Variants in KMT2C observed in about 807,000 individuals in gnomAD.
KMT2C encodes lysine methyltransferase 2C, also known as histone-lysine N-methyltransferase 2C.
KMT2C carries 88 observed loss-of-function variants against 507.9 expected under a neutral mutation model. The ratio of observed to expected loss-of-function variants is 0.17; its 90% CI spans 0.15 to 0.21. KMT2C has a LOEUF of 0.21. Among genes scored for constraint, KMT2C ranks in the 10% least tolerant of loss-of-function variants. The probability of loss-of-function intolerance (pLI) is 1.00; values close to 1 mark genes in which losing one functional copy is unlikely to be tolerated. For missense variants in KMT2C, 4,954 were observed against 5,957.8 expected (o/e 0.83, Z 5.55); for synonymous variants, 2,049 against 2,080.8 (o/e 0.98, Z 0.42).
chr7:152,241,734 C>A (rs1053689559), intron 14 of KMT2C, among the ~76,000 whole-genome samples: 2 of 152,334 alleles, frequency 1.3e-5, no homozygotes, highest in Non-Finnish European at 2.9e-5. Flanking sequence ...GGCTAACATA[C>A]ATCTTAAATT....
chr7:152,319,336 A>T (rs2096750413), intron 3 of KMT2C, among the ~76,000 whole-genome samples: 2 of 152,156 alleles, frequency 1.3e-5, no homozygotes, highest in Admixed American at 1.3e-4. Flanking sequence ...CTCACTCTAC[A>T]ATCATAACCT....
intron 1 of KMT2C, among the ~76,000 whole-genome samples, chr7:152,435,422 G>A (rs973721310): frequency 8.8e-5 from 13 of 148,460 alleles, no homozygotes; most frequent in Admixed American, 1.3e-4. Flanking sequence ...CCGGGCGGGC[G>A]GCGCGGAGCG....
At chr7:152,140,327 C>T (rs1181344356) in intron 55 of KMT2C, among the ~76,000 whole-genome samples, 2 of 152,116 alleles carry the variant, frequency 1.3e-5, no homozygotes, top group African/African-American at 4.8e-5. Context: ...ATGTTGGAAA[C>T]AAATGAAGCT....
At chr7:152,425,740 GA>G (rs1281120915) in intron 1 of KMT2C, among the ~76,000 whole-genome samples, 1 of 151,970 alleles carries the variant, frequency 6.6e-6, no homozygotes, top group African/African-American at 2.4e-5. Context: ...CAAAGATCAG[GA>G]AATCAAGGAA....
chr7:152,351,503 A>G (rs1229901093), intron 2 of KMT2C, among the ~76,000 whole-genome samples: 1 of 152,240 alleles, frequency 6.6e-6, no homozygotes, highest in African/African-American at 2.4e-5. Context: ...GTCATTATGC[A>G]GTGCATGACT....
intron 1 of KMT2C, among the ~76,000 whole-genome samples, chr7:152,434,019 T>C (rs1445567983): frequency 6.6e-6 from 1 of 152,202 alleles, no homozygotes; most frequent in Admixed American, 6.5e-5. Flanking sequence ...GCTTTGCAAA[T>C]AGTGAAATGG....
chr7:152,145,466 TA>T (rs2091012144), intron 53 of KMT2C, among the ~76,000 whole-genome samples, 171 bp from the exon 54 acceptor site: 1 of 152,212 alleles, frequency 6.6e-6, no homozygotes, highest in Non-Finnish European at 1.5e-5. Context: ...TAGATCTACT[TA>T]AATATGAGTA....
At chr7:152,291,356 A>C (rs1218468293) in intron 6 of KMT2C, among the ~76,000 whole-genome samples, 1 of 152,300 alleles carries the variant, frequency 6.6e-6, no homozygotes, top group Non-Finnish European at 1.5e-5. Context: ...ATCACTGCTG[A>C]CACTATTATA....
At chr7:152,143,509 C>G (rs1444316529) in intron 55 of KMT2C, among the ~76,000 whole-genome samples, 2 of 152,250 alleles carry the variant, frequency 1.3e-5, no homozygotes, top group Non-Finnish European at 2.9e-5. Flanking sequence ...ACCTGCACAT[C>G]CTAACAAGCT....
At chr7:152,184,703 A>C (rs1040602407) in intron 34 of KMT2C, among the ~76,000 whole-genome samples, 4 of 152,220 alleles carry the variant, frequency 2.6e-5, no homozygotes, top group Non-Finnish European at 4.4e-5. Flanking sequence ...AAATCCACAG[A>C]TGCTCAAGTC....
chr7:152,251,611 G>GA (rs576681550), intron 11 of KMT2C, among the ~76,000 whole-genome samples: 145 of 152,218 alleles, frequency 9.5e-4, no homozygotes, highest in Non-Finnish European at 1.9e-3. Flanking sequence ...CATGCTTAGA[G>GA]AAAAATAACC....
At chr7:152,361,694 T>C (rs537952537) in intron 1 of KMT2C, among the ~76,000 whole-genome samples, 9 of 152,186 alleles carry the variant, frequency 5.9e-5, no homozygotes, top group African/African-American at 1.2e-4. Context: ...AAATGGTACA[T>C]AGAAAATAAC....
chr7:152,179,732 G>T, intron 37 of KMT2C, 102 bp downstream of exon 37: 2 of 1,042,740 alleles, frequency 1.9e-6, no homozygotes, highest in East Asian at 5.5e-5. Context: ...CAATCCTCCT[G>T]CCTCAGCTAG....
At chr7:152,143,754 T>C (rs903151550) in intron 55 of KMT2C, among the ~76,000 whole-genome samples, 1 of 151,828 alleles carries the variant, frequency 6.6e-6, no homozygotes, top group African/African-American at 2.4e-5. Context: ...TGTCCAAATA[T>C]CAATAAAGAG....
intron 23 of KMT2C, among the ~76,000 whole-genome samples, chr7:152,217,177 A>G (rs1401116256): frequency 2.6e-5 from 4 of 152,016 alleles, no homozygotes; most frequent in Admixed American, 6.5e-5. Flanking sequence ...AAATACCCAG[A>G]AAAGGGCAGT....
chr7:152,346,660 C>G (rs2097060090), intron 2 of KMT2C, among the ~76,000 whole-genome samples: 1 of 152,152 alleles, frequency 6.6e-6, no homozygotes, highest in African/African-American at 2.4e-5. Context: ...ACCCCCCCAC[C>G]ACACAGTCAA....
chr7:152,360,951 A>C (rs1250845917), intron 1 of KMT2C, among the ~76,000 whole-genome samples: 7 of 152,044 alleles, frequency 4.6e-5, no homozygotes, highest in African/African-American at 1.7e-4. Flanking sequence ...AAAAAAAAGG[A>C]AGTACCTGAC....
chr7:152,208,426 T>C (rs1453420825), intron 23 of KMT2C, among the ~76,000 whole-genome samples: 1 of 152,262 alleles, frequency 6.6e-6, no homozygotes, highest in African/African-American at 2.4e-5. Flanking sequence ...TGTATTAATG[T>C]CATGCTTTAT....
intron 1 of KMT2C, among the ~76,000 whole-genome samples, chr7:152,360,850 A>C (rs1172326541): frequency 4.8e-5 from 7 of 145,014 alleles, no homozygotes; most frequent in Non-Finnish European, 7.6e-5. Context: ...ATTCTATCTC[A>C]AAAAGAAAAA....
Sources: gnomAD v4.1 joint callset for allele counts (sites outside exome capture counted in the v4.1 genomes callset) on GRCh38, gnomAD v4.1.1 for gene constraint, MANE v1.5 for transcripts, NCBI Gene and HGNC (gene_info 2026-07-23, HGNC 2026-07-21) for gene names.